The following LRRC37A variants were observed in gnomAD, a reference collection of about 807,000 sequenced individuals.
The protein encoded by LRRC37A is leucine-rich repeat-containing protein 37A.
A neutral mutation model predicts 35.4 loss-of-function variants in LRRC37A; 3 were observed. The ratio of observed to expected loss-of-function variants is 0.08; its 90% CI spans 0.04 to 0.22. LRRC37A has a LOEUF of 0.22. LRRC37A is among the 10% of genes least tolerant of loss of function. The probability of loss-of-function intolerance (pLI) is 1.00; values close to 1 mark genes in which losing one functional copy is unlikely to be tolerated. For synonymous variants in LRRC37A, 23 were observed against 215.0 expected (o/e 0.11, Z 7.81); for missense variants, 67 against 565.3 (o/e 0.12, Z 8.94).
the LRRC37A span, among the ~76,000 whole-genome samples, chr17:46,278,565 G>A: frequency 1.7e-4 from 25 of 150,976 alleles, no homozygotes; most frequent in Middle Eastern, 3.5e-3. Flanking sequence ...CACTGCGACC[G>A]GCTAATTTTT....
the LRRC37A span, among the ~76,000 whole-genome samples, chr17:46,273,463 A>G: frequency 1.3e-5 from 2 of 152,266 alleles, no homozygotes; most frequent in Admixed American, 6.5e-5. Flanking sequence ...TGAGCCTGTA[A>G]TAAGAAAGAA....
the LRRC37A span, among the ~76,000 whole-genome samples, chr17:46,252,176 T>A: frequency 6.6e-6 from 1 of 152,030 alleles, no homozygotes; most frequent in African/African-American, 2.4e-5. Flanking sequence ...AAATAAAGTA[T>A]CAGGTATTTA....
the LRRC37A span, among the ~76,000 whole-genome samples, chr17:46,253,716 A>C: frequency 9.4e-6 from 1 of 106,530 alleles, no homozygotes; most frequent in Non-Finnish European, 2.1e-5. Flanking sequence ...CCAGCATCAG[A>C]GGGAGACCGT....
the LRRC37A span, among the ~76,000 whole-genome samples, chr17:46,266,594 A>G: frequency 6.6e-6 from 1 of 152,202 alleles, no homozygotes; most frequent in Admixed American, 6.5e-5. Flanking sequence ...GCCCAGGCTC[A>G]CTTTTAGAGC....
the LRRC37A span, among the ~76,000 whole-genome samples, chr17:46,248,677 G>A: frequency 5.3e-5 from 8 of 152,002 alleles, no homozygotes; most frequent in East Asian, 1.3e-3. Flanking sequence ...ATGCCACCAC[G>A]CCTGGCTAAT....
the LRRC37A span, among the ~76,000 whole-genome samples, chr17:46,265,169 G>A: frequency 5.3e-3 from 807 of 152,224 alleles, 8 homozygotes; most frequent in African/African-American, 0.018. Flanking sequence ...CTGAATGAGG[G>A]TAGATTAACC....
chr17:46,328,297 CT>C, intron 7 of LRRC37A, 94 bp from the exon 8 acceptor site: 1 of 20,610 alleles, frequency 4.9e-5, no homozygotes. Context: ...TCAATGACAC[CT>C]TTTTCCCACA....
the LRRC37A span, among the ~76,000 whole-genome samples, chr17:46,266,744 G>C: frequency 2.0e-5 from 3 of 152,100 alleles, no homozygotes; most frequent in Non-Finnish European, 4.4e-5. Context: ...GCGGGGATCT[G>C]GGGAGGGGGC....
chr17:46,316,606 T>C (rs1249488906), intron 5 of LRRC37A, among the ~76,000 whole-genome samples: 1 of 73,754 alleles, frequency 1.4e-5, no homozygotes, highest in African/African-American at 3.5e-5. Flanking sequence ...CAGTTTTTTT[T>C]GTTTTTGTTT....
chr17:46,324,523 ATTTTTTT>A (rs917855068), intron 7 of LRRC37A, among the ~76,000 whole-genome samples: 1 of 72,166 alleles, frequency 1.4e-5, no homozygotes, highest in African/African-American at 3.5e-5. Flanking sequence ...TTTATTTTTT[ATTTTTTT>A]GTAGAAATGA....
At chr17:46,282,714 G>T in the LRRC37A span, among the ~76,000 whole-genome samples, 1 of 151,886 alleles carries the variant, frequency 6.6e-6, no homozygotes, top group East Asian at 1.9e-4. Context: ...AAGTCACCTT[G>T]CCTGGCCTTT....
In LRRC37A at chr17:46,331,241, AAAAAGAGTCC is replaced by A. The variant is rs2051921002; in HGVS notation, c.3968_3977del (p.Lys1323ArgfsTer8). On this transcript the variant is annotated frameshift_variant, in exon 9 of 14. Transcript: ENST00000320254. LOFTEE classifies it high-confidence loss of function. ...CGTGACCCACAGAACAACCAAAGTCAAAAAGAGTCCAAAGGTCAGAAAGAAAAGTTATCTG... is the reference window on the plus strand; with the variant it reads ...CGTGACCCACAGAACAACCAAAGTCAAAAGGTCAGAAAGAAAAGTTATCTG... 2.6e-6 allele frequency: 2 copies of A among 763,534 alleles called. 1 individual carries two copies. The allele number at this position is 763,534 out of a possible 1,614,324, so 47.3% of individuals were successfully genotyped here.
chr17:46,255,800 C>T, the LRRC37A span, among the ~76,000 whole-genome samples: 9 of 152,128 alleles, frequency 5.9e-5, no homozygotes, highest in East Asian at 7.8e-4. Context: ...CTCAGCCTCC[C>T]GAATAGCTGG....
upstream of LRRC37A, among the ~76,000 whole-genome samples, chr17:46,291,272 A>T (rs2050059078): frequency 6.6e-6 from 1 of 152,268 alleles, no homozygotes; most frequent in Admixed American, 6.5e-5. Context: ...CCCTTCAAGA[A>T]CATACAAGTG....
At chr17:46,284,310 C>G in the LRRC37A span, among the ~76,000 whole-genome samples, 1 of 152,356 alleles carries the variant, frequency 6.6e-6, no homozygotes, top group Admixed American at 6.5e-5. Context: ...TCCCTGGGCA[C>G]TTGACATTAG....
At chr17:46,254,395 GTATTTATTTATT>G in the LRRC37A span, among the ~76,000 whole-genome samples, 1 of 151,402 alleles carries the variant, frequency 6.6e-6, no homozygotes, top group East Asian at 2.0e-4. Context: ...GCCATTTATT[GTATTTATTTATT>G]TATTTATCTA....
chr17:46,272,081 G>A, the LRRC37A span, among the ~76,000 whole-genome samples: 4 of 152,252 alleles, frequency 2.6e-5, no homozygotes, highest in Non-Finnish European at 5.9e-5. Flanking sequence ...TAAACCTCCT[G>A]TAGAATTTGG....
upstream of LRRC37A, chr17:46,292,788 C>T (rs1381303795): frequency 2.5e-5 from 2 of 79,272 alleles, no homozygotes; most frequent in African/African-American, 6.4e-5. Context: ...ATATCTCCCA[C>T]GTATCTTGGG....
the LRRC37A span, among the ~76,000 whole-genome samples, chr17:46,249,498 A>G: frequency 0.15 from 22,065 of 151,892 alleles, 2,214 homozygotes; most frequent in Middle Eastern, 0.22. Context: ...TTCCGGAAAC[A>G]CACTCTTTCT....
Sources: gnomAD v4.1 joint callset for allele counts (sites outside exome capture counted in the v4.1 genomes callset) on GRCh38, gnomAD v4.1.1 for gene constraint, MANE v1.5 for transcripts, NCBI Gene and HGNC (gene_info 2026-07-23, HGNC 2026-07-21) for gene names.